TMEM178A: variants seen among roughly 807,000 people sequenced by gnomAD.
TMEM178A encodes transmembrane protein 178.
A neutral mutation model predicts 29.1 loss-of-function variants in TMEM178A; 12 were observed. The ratio of observed to expected loss-of-function variants is 0.41; its 90% confidence interval spans 0.26 to 0.67. The LOEUF (loss-of-function observed/expected upper bound fraction) is 0.67, where lower values mean the gene tolerates loss of function less well. TMEM178A is among the 30% of genes least tolerant of loss of function. TMEM178A has a pLI of 0.29. For missense variants in TMEM178A, 366 were observed against 419.1 expected, an observed-to-expected ratio of 0.87 and a Z score of 1.11; for synonymous variants, 210 against 187.2, an observed-to-expected ratio of 1.12 and a Z score of -0.99.
At chr2:39,734,645 G>A in the TMEM178A span, among the ~76,000 whole-genome samples, 1 of 152,202 alleles carries the variant, frequency 6.6e-6, no homozygotes, top group Non-Finnish European at 1.5e-5. Context: ...TGTCTAGCAA[G>A]CAAGTCTAAA....
chr2:39,715,997 C>A (rs558235261), intron 3 of TMEM178A, among the ~76,000 whole-genome samples: 1 of 152,178 alleles, frequency 6.6e-6, no homozygotes, highest in Non-Finnish European at 1.5e-5. Context: ...GGAGATGCTA[C>A]GTGTATCCCT....
At chr2:39,665,757 C>T, upstream of TMEM178A, 1 of 303,168 alleles carries the variant, frequency 3.3e-6, no homozygotes, top group East Asian at 4.6e-5. Flanking sequence ...GCTAGGAGCC[C>T]GGGGGCCGGG....
chr2:39,672,455 C>T (rs1670444089), intron 1 of TMEM178A, among the ~76,000 whole-genome samples: 1 of 152,170 alleles, frequency 6.6e-6, no homozygotes, highest in African/African-American at 2.4e-5. Flanking sequence ...GATTTTTCTT[C>T]TTCAGATAGC....
At chr2:39,708,232 C>T (rs1672124902) in intron 3 of TMEM178A, among the ~76,000 whole-genome samples, 1 of 151,762 alleles carries the variant, frequency 6.6e-6, no homozygotes, top group African/African-American at 2.4e-5. Context: ...CAGTGCCAAA[C>T]CTGAGAGAAG....
At chr2:39,670,086 G>T (rs1670347533) in intron 1 of TMEM178A, among the ~76,000 whole-genome samples, 1 of 152,188 alleles carries the variant, frequency 6.6e-6, no homozygotes, top group African/African-American at 2.4e-5. Context: ...GTATGCAAAT[G>T]AAATCAGCCT....
At chr2:39,670,949 A>G (rs1670385148) in intron 1 of TMEM178A, among the ~76,000 whole-genome samples, 1 of 152,218 alleles carries the variant, frequency 6.6e-6, no homozygotes, top group African/African-American at 2.4e-5. Flanking sequence ...CAATAAAAAC[A>G]GAAAATTAAT....
At chr2:39,729,494 T>G in the TMEM178A span, among the ~76,000 whole-genome samples, 1 of 152,226 alleles carries the variant, frequency 6.6e-6, no homozygotes, top group Non-Finnish European at 1.5e-5. Context: ...CACTTTGATG[T>G]ACCCTTTGGA....
chr2:39,706,456 C>T (rs573223017), intron 2 of TMEM178A, among the ~76,000 whole-genome samples: 103 of 152,292 alleles, frequency 6.8e-4, no homozygotes, highest in African/African-American at 2.5e-3. Flanking sequence ...CAATTGCCTT[C>T]GCTTTCTCAA....
intron 1 of TMEM178A, among the ~76,000 whole-genome samples, chr2:39,696,816 T>TA (rs1437986595): frequency 6.6e-6 from 1 of 152,292 alleles, no homozygotes; most frequent in East Asian, 1.9e-4. Context: ...GCAACATACT[T>TA]ATGTATCTTA....
At chr2:39,725,805 C>G in the TMEM178A span, among the ~76,000 whole-genome samples, 1 of 152,164 alleles carries the variant, frequency 6.6e-6, no homozygotes, top group Non-Finnish European at 1.5e-5. Flanking sequence ...GACTCAAACT[C>G]TTTGTGTCAC....
the TMEM178A span, among the ~76,000 whole-genome samples, chr2:39,729,232 C>T: frequency 6.6e-6 from 1 of 152,354 alleles, no homozygotes; most frequent in East Asian, 1.9e-4. Context: ...CCATAGCTTG[C>T]ACCATGGATA....
intron 3 of TMEM178A, among the ~76,000 whole-genome samples, chr2:39,707,464 C>T (rs1035002784): frequency 1.3e-5 from 2 of 151,908 alleles, no homozygotes; most frequent in African/African-American, 2.4e-5. Context: ...TTTTGCTGTA[C>T]TTTCTTTTTT....
the TMEM178A span, among the ~76,000 whole-genome samples, chr2:39,723,090 C>T: frequency 4.6e-5 from 7 of 152,306 alleles, no homozygotes; most frequent in African/African-American, 1.7e-4. Context: ...CAGTTCAGGG[C>T]ATTTCATTCT....
At chr2:39,718,447 T>A (rs1672630700), downstream of TMEM178A, among the ~76,000 whole-genome samples, 1 of 152,200 alleles carries the variant, frequency 6.6e-6, no homozygotes, top group Non-Finnish European at 1.5e-5. Flanking sequence ...AGCATTTTTG[T>A]AAAAACATCC....
intron 3 of TMEM178A, among the ~76,000 whole-genome samples, chr2:39,714,054 A>G (rs1016016983): frequency 8.5e-5 from 13 of 152,190 alleles, no homozygotes; most frequent in Admixed American, 8.5e-4. Flanking sequence ...GCAGCTATGC[A>G]TGTGCAAACA....
intron 1 of TMEM178A, among the ~76,000 whole-genome samples, chr2:39,680,448 G>T (rs1670819860): frequency 6.6e-6 from 1 of 152,134 alleles, no homozygotes; most frequent in Admixed American, 6.6e-5. Flanking sequence ...TTTCCTGAGG[G>T]ATTCAAAGGA....
At chr2:39,729,223 C>T in the TMEM178A span, among the ~76,000 whole-genome samples, 1 of 152,216 alleles carries the variant, frequency 6.6e-6, no homozygotes, top group Non-Finnish European at 1.5e-5. Context: ...GGATCCACAC[C>T]ATAGCTTGCA....
At chr2:39,667,079 C>T (rs1486568261) in intron 1 of TMEM178A, among the ~76,000 whole-genome samples, 1 of 152,230 alleles carries the variant, frequency 6.6e-6, no homozygotes, top group African/African-American at 2.4e-5. Context: ...ACCTGCTTTC[C>T]AACCTTCCTG....
At chr2:39,666,546 C>T (rs1317396753) in intron 1 of TMEM178A, among the ~76,000 whole-genome samples, 172 bp downstream of exon 1, 2 of 152,080 alleles carry the variant, frequency 1.3e-5, no homozygotes, top group Admixed American at 1.3e-4. Flanking sequence ...TCTTTCCCCA[C>T]TGCCTCCCTT....
Sources: gnomAD v4.1 joint callset for allele counts (sites outside exome capture counted in the v4.1 genomes callset) on GRCh38, gnomAD v4.1.1 for gene constraint, MANE v1.5 for transcripts, NCBI Gene and HGNC (gene_info 2026-07-23, HGNC 2026-07-21) for gene names.